Variants in DNER observed in about 807,000 individuals in gnomAD.
DNER encodes the protein delta and Notch-like epidermal growth factor-related receptor.
In DNER, 33 loss-of-function variants were observed where a neutral mutation model predicts 78.2. That is an observed-to-expected ratio of 0.42 (90% CI 0.32 to 0.56). The LOEUF (loss-of-function observed/expected upper bound fraction) is 0.56. DNER is among the 20% of genes least tolerant of loss of function. The pLI is 0.11. For missense variants in DNER, 918 were observed against 975.3 expected, an observed-to-expected ratio of 0.94 and a Z score of 0.78; for synonymous variants, 417 against 384.8, an observed-to-expected ratio of 1.08 and a Z score of -0.98.
At chr2:229,706,120 AGGAAAAG>A (rs1052689176) in intron 1 of DNER, among the ~76,000 whole-genome samples, 1 of 152,220 alleles carries the variant, frequency 6.6e-6, no homozygotes, top group African/African-American at 2.4e-5. Flanking sequence ...AGAGAACAAG[AGGAAAAG>A]GGAAAAGGGA....
At chr2:229,616,474 G>A (rs1416434670) in intron 1 of DNER, among the ~76,000 whole-genome samples, 1 of 152,126 alleles carries the variant, frequency 6.6e-6, no homozygotes, top group African/African-American at 2.4e-5. Flanking sequence ...GATAACAAGA[G>A]AGCACACGAA....
At chr2:229,373,095 A>C (rs1692522854) in intron 11 of DNER, among the ~76,000 whole-genome samples, 1 of 152,222 alleles carries the variant, frequency 6.6e-6, no homozygotes, top group African/African-American at 2.4e-5. Context: ...GCAAAAATTG[A>C]CAAGTGAGAC....
At chr2:229,675,716 T>A (rs190692813) in intron 1 of DNER, among the ~76,000 whole-genome samples, 2 of 152,310 alleles carry the variant, frequency 1.3e-5, no homozygotes, top group East Asian at 3.9e-4. Context: ...CAGTGCTCTG[T>A]CTGCATCTAC....
At chr2:229,590,875 G>A (rs1249725207) in intron 2 of DNER, among the ~76,000 whole-genome samples, 1 of 152,196 alleles carries the variant, frequency 6.6e-6, no homozygotes, top group Non-Finnish European at 1.5e-5. Flanking sequence ...GGCCATGGGG[G>A]CAGATCTCTC....
intron 1 of DNER, among the ~76,000 whole-genome samples, chr2:229,683,256 G>T (rs541383993): frequency 4.9e-4 from 74 of 152,226 alleles, no homozygotes; most frequent in African/African-American, 1.7e-3. Flanking sequence ...GGAAACCAAG[G>T]CTCAGCAGAT....
At chr2:229,433,238 G>A (rs927864470) in intron 8 of DNER, among the ~76,000 whole-genome samples, 1 of 152,076 alleles carries the variant, frequency 6.6e-6, no homozygotes, top group African/African-American at 2.4e-5. Flanking sequence ...GTGCCCAGCC[G>A]GTTTTGTATT....
In DNER at chr2:229,522,099, G is replaced by A. The variant is rs569087131; in HGVS notation, c.994-9163C>T. Among the ~76,000 whole-genome samples the A allele has an allele frequency of 1.4e-4, 21 of 151,976 alleles. 1 individual carries two copies. The South Asian group carries it at 3.5e-3, about 26-fold the overall frequency. On this transcript the variant is annotated intron_variant, in intron 5 of 12. Coordinates refer to ENST00000341772, the MANE Select transcript of DNER (RefSeq NM_139072.4). ...CAGGACTTGACATTCATGAATTCAT[G>A]GAATTCATTCCTTCAGCTTAAATGA...
chr2:229,506,521 C>T (rs11892219), intron 6 of DNER, among the ~76,000 whole-genome samples: 28 of 145,674 alleles, frequency 1.9e-4, no homozygotes, highest in Non-Finnish European at 3.5e-4. Flanking sequence ...CTTTTTTTTT[C>T]TTTTTTTTTT....
intron 8 of DNER, among the ~76,000 whole-genome samples, chr2:229,443,147 C>T (rs1384910334): frequency 6.6e-6 from 1 of 152,102 alleles, no homozygotes; most frequent in Non-Finnish European, 1.5e-5. Flanking sequence ...ATGCCCTGTC[C>T]CTTAAATTCC....
chr2:229,498,275 GC>G (rs1695541071), intron 6 of DNER, among the ~76,000 whole-genome samples: 1 of 152,074 alleles, frequency 6.6e-6, no homozygotes, highest in Non-Finnish European at 1.5e-5. Context: ...AAGGAATGTA[GC>G]TCAACACGAT....
chr2:229,465,551 C>T (rs1694786168), intron 7 of DNER, among the ~76,000 whole-genome samples: 1 of 152,042 alleles, frequency 6.6e-6, no homozygotes, highest in Non-Finnish European at 1.5e-5. Flanking sequence ...CAAACCCACA[C>T]ATCCTACACA....
At chr2:229,464,829 A>G (rs1694768985) in intron 7 of DNER, among the ~76,000 whole-genome samples, 2 of 152,154 alleles carry the variant, frequency 1.3e-5, no homozygotes, top group Admixed American at 6.5e-5. Context: ...GAGGGCCCCT[A>G]TGAAGAAGGG....
intron 7 of DNER, among the ~76,000 whole-genome samples, chr2:229,465,065 C>A (rs1350120549): frequency 2.0e-5 from 3 of 152,230 alleles, no homozygotes; most frequent in African/African-American, 7.2e-5. Context: ...TTTGACCCAG[C>A]AATCCTATTA....
rs774375660 is a variant in DNER, at chr2:229,367,087, T to A, written c.1888A>T (p.Ser630Cys). Residue 630 changes from serine to cysteine, a missense_variant, in exon 12 of 13, where the codon AGC becomes TGC. Ser to Cys is a moderately radical substitution (Grantham distance 112). Coordinates refer to ENST00000341772, the MANE Select transcript of DNER (RefSeq NM_139072.4). Reference protein sequence around the residue: ...LQWKSGHMAESLTNMPRHSLY... With the variant: ...LQWKSGHMAECLTNMPRHSLY... ...GAGTGCCGTGGCATGTTGGTGAGGC[T>A]CTCCGCCATGTGCCCGGACTTCCAT... The A allele has an allele frequency of 6.2e-7, 1 of 1,614,048 alleles. No individual in the cohort carries two copies. Among genetic ancestry groups the A allele is most frequent in the Non-Finnish European group, 8.5e-7 (1 of 1,180,024 alleles).
intron 1 of DNER, among the ~76,000 whole-genome samples, chr2:229,594,986 A>C (rs7607880): frequency 0.02 from 2,122 of 108,286 alleles, 80 homozygotes; most frequent in African/African-American, 0.068. Context: ...AAAAAAAAAA[A>C]AACTCTAAAT....
chr2:229,458,425 T>A (rs951019842), intron 7 of DNER, among the ~76,000 whole-genome samples: 1 of 151,946 alleles, frequency 6.6e-6, no homozygotes, highest in African/African-American at 2.4e-5. Context: ...AGAAGCCCTT[T>A]CTTAGTAACT....
In DNER at chr2:229,551,069, A is replaced by G. The variant is rs74960349; in HGVS notation, c.848-3977T>C. Among the ~76,000 whole-genome samples the G allele has an allele frequency of 3.0e-4, 46 of 152,288 alleles. 1 individual carries two copies. In the East Asian group the frequency reaches 8.9e-3, roughly 29 times the overall value. ...TGCTTGACACAGGTTCACTTTTCAT[A>G]CTTTTAAAGAGAAGGATATTTTGAG... is the stretch of plus-strand genomic sequence containing the variant. On this transcript the variant is annotated intron_variant, in intron 4 of 12. Coordinates refer to ENST00000341772, the MANE Select transcript of DNER (RefSeq NM_139072.4).
Position 229,547,009 on chromosome 2 carries a change from C to T in DNER, c.931G>A (p.Glu311Lys), listed in dbSNP as rs765443973. Residue 311 changes from glutamate to lysine, a missense_variant, in exon 5 of 13, where the codon GAG becomes AAG. By Grantham distance (56) the Glu-to-Lys change is moderately conservative. Transcript: ENST00000341772. ...VVKVSTCVPG[E>K]SHANDLECSG... Reference sequence around the variant, plus strand: ...CACTCCAAGTCATTTGCGTGACTCTCCCCCGGCACACAGGTGCTGACCTTC... The same window carrying T: ...CACTCCAAGTCATTTGCGTGACTCTTCCCCGGCACACAGGTGCTGACCTTC... 3 of 1,614,142 alleles carry T rather than the reference C, an allele frequency of 1.9e-6. No individual in the cohort carries two copies. The South Asian group carries it at 3.3e-5, about 18-fold the overall frequency.
intron 1 of DNER, among the ~76,000 whole-genome samples, chr2:229,647,672 G>C (rs1698742378): frequency 6.6e-6 from 1 of 152,188 alleles, no homozygotes; most frequent in African/African-American, 2.4e-5. Context: ...CAATTTCGAA[G>C]TGACAACACA....
Sources: allele counts gnomAD v4.1 joint callset (sites outside exome capture counted in the v4.1 genomes callset), GRCh38; gene constraint gnomAD v4.1.1; transcripts MANE v1.5; gene names NCBI Gene and HGNC (gene_info 2026-07-23, HGNC 2026-07-21).